Variants in MID1 observed in about 807,000 individuals in gnomAD.
The protein encoded by MID1 is E3 ubiquitin-protein ligase Midline-1.
Under a neutral mutation model 40.4 loss-of-function variants are expected in MID1, and 7 were observed. The ratio of observed to expected loss-of-function variants is 0.17; its 90% confidence interval spans 0.10 to 0.33. MID1 has a LOEUF of 0.33. MID1 is among the 10% of genes least tolerant of loss of function. The pLI, the probability that MID1 is intolerant of heterozygous loss-of-function variation, is 1.00. For missense variants in MID1, 367 were observed against 558.5 expected, an observed-to-expected ratio of 0.66 and a Z score of 3.46; for synonymous variants, 229 against 221.2, an observed-to-expected ratio of 1.04 and a Z score of -0.31.
At chrX:10,801,046 G>A (rs2044003218) in intron 1 of MID1, among the ~76,000 whole-genome samples, 1 of 109,779 alleles carries the variant, frequency 9.1e-6, no homozygotes, top group Non-Finnish European at 1.9e-5. Context: ...GAGTTAGAAA[G>A]TTTCTATTTT....
chrX:10,696,699 T>C (rs945486741), intron 1 of MID1, among the ~76,000 whole-genome samples: 3 of 112,109 alleles, frequency 2.7e-5, no homozygotes, highest in African/African-American at 9.7e-5. Flanking sequence ...TGACAATTAA[T>C]TTTAATTGTT....
intron 1 of MID1, among the ~76,000 whole-genome samples, chrX:10,772,797 C>T (rs1186489800): frequency 2.7e-5 from 3 of 109,489 alleles, no homozygotes; most frequent in African/African-American, 9.9e-5. Context: ...TATATCTGTA[C>T]ATATATGTAT....
chrX:10,735,595 T>A (rs866006429), intron 1 of MID1, among the ~76,000 whole-genome samples: 4 of 112,838 alleles, frequency 3.5e-5, no homozygotes, highest in Middle Eastern at 9.3e-3. Context: ...GAGTATCAAG[T>A]TGAAGTTTTG....
At chrX:10,782,204 T>G (rs1301980375) in intron 1 of MID1, among the ~76,000 whole-genome samples, 1 of 111,994 alleles carries the variant, frequency 8.9e-6, no homozygotes, top group South Asian at 3.8e-4. Flanking sequence ...CAAGTCATCA[T>G]GAAATCTCTT....
At chrX:10,773,447 T>C (rs1474254484) in intron 1 of MID1, among the ~76,000 whole-genome samples, 3 of 112,154 alleles carry the variant, frequency 2.7e-5, no homozygotes, top group African/African-American at 6.5e-5. Flanking sequence ...TCCATTTTAG[T>C]GCTATAATTC....
intron 1 of MID1, among the ~76,000 whole-genome samples, chrX:10,831,935 G>C (rs1329011126): frequency 8.9e-6 from 1 of 112,400 alleles, no homozygotes; most frequent in East Asian, 2.8e-4. Context: ...CATCTCATCA[G>C]CAGGGTGAGA....
At chrX:10,686,730 A>T (rs151131290) in intron 1 of MID1, among the ~76,000 whole-genome samples, 2,701 of 112,308 alleles carry the variant, frequency 0.024, 34 homozygotes, top group African/African-American at 0.047. Flanking sequence ...TGGGCAGACA[A>T]AGCAGCCAAA....
chrX:10,608,345 T>A (rs1935663105), intron 1 of MID1, among the ~76,000 whole-genome samples: 1 of 112,043 alleles, frequency 8.9e-6, no homozygotes, highest in African/African-American at 3.2e-5. Flanking sequence ...TCCAAAGTCC[T>A]TAAACAAGTT....
chrX:10,830,444 A>T, intron 1 of MID1, among the ~76,000 whole-genome samples: 1 of 112,572 alleles, frequency 8.9e-6, no homozygotes, highest in Non-Finnish European at 1.9e-5. Context: ...GCACTCAATA[A>T]ATATTTGCTG....
At chrX:10,632,221 C>T (rs1308897376) in intron 1 of MID1, among the ~76,000 whole-genome samples, 1 of 111,804 alleles carries the variant, frequency 8.9e-6, no homozygotes, top group Non-Finnish European at 1.9e-5. Context: ...ACCAAATGTA[C>T]TATTCTAACC....
chrX:10,719,693 A>C (rs1457689120), intron 1 of MID1, among the ~76,000 whole-genome samples: 1 of 111,662 alleles, frequency 9.0e-6, no homozygotes, highest in Non-Finnish European at 1.9e-5. Flanking sequence ...ATTGGAAAAA[A>C]TTACTTTAAA....
At chrX:10,523,838 C>T (rs182442595) in intron 2 of MID1, among the ~76,000 whole-genome samples, 1 of 111,853 alleles carries the variant, frequency 8.9e-6, no homozygotes, top group East Asian at 2.8e-4. Flanking sequence ...TTTTTCTCCT[C>T]ATTATTCCCT....
chrX:10,487,072 C>T (rs746420528), intron 4 of MID1, among the ~76,000 whole-genome samples: 1 of 111,728 alleles, frequency 9.0e-6, no homozygotes, highest in Non-Finnish European at 1.9e-5. Flanking sequence ...GTTGCCCAGG[C>T]TGGTCTCAAA....
intron 1 of MID1, among the ~76,000 whole-genome samples, chrX:10,810,800 C>G (rs756068743): frequency 1.0e-3 from 113 of 108,938 alleles, no homozygotes; most frequent in Non-Finnish European, 1.9e-3. Flanking sequence ...CTTTAAAATG[C>G]TTTTTTCTAT....
intron 2 of MID1, among the ~76,000 whole-genome samples, chrX:10,533,391 A>AAAAGAAAGAAAGAAAGAAAGAAAGAAAG (rs748385663): frequency 1.1e-4 from 6 of 55,066 alleles, no homozygotes; most frequent in African/African-American, 4.7e-4. Flanking sequence ...AGAAAGAAAG[A>AAAAGAAAGAAAGAAAGAAAGAAAGAAAG]AAAGAAAGAA....
At chrX:10,511,479 G>C (rs951777050) in intron 3 of MID1, among the ~76,000 whole-genome samples, 1 of 111,255 alleles carries the variant, frequency 9.0e-6, no homozygotes, top group African/African-American at 3.3e-5. Context: ...CTTCTTCTGG[G>C]TTCTAGTGAT....
chrX:10,784,660 G>A (rs935475233), intron 1 of MID1, among the ~76,000 whole-genome samples: 3 of 109,435 alleles, frequency 2.7e-5, no homozygotes, highest in Non-Finnish European at 3.8e-5. Flanking sequence ...TGACCAGGCT[G>A]GTCTTGAACT....
chrX:10,716,334 C>G (rs1457609354), intron 1 of MID1, among the ~76,000 whole-genome samples: 5 of 111,610 alleles, frequency 4.5e-5, no homozygotes, highest in Non-Finnish European at 9.4e-5. Context: ...ATAACCAATG[C>G]AGAGAAGTCC....
At chrX:10,711,588 T>C (rs768941458) in intron 1 of MID1, among the ~76,000 whole-genome samples, 6 of 112,194 alleles carry the variant, frequency 5.3e-5, no homozygotes, top group African/African-American at 1.9e-4. Context: ...TGTATTTCAA[T>C]TGTGGTTTTC....
Sources: allele counts gnomAD v4.1 joint callset (sites outside exome capture counted in the v4.1 genomes callset), GRCh38; gene constraint gnomAD v4.1.1; transcripts MANE v1.5; gene names NCBI Gene and HGNC (gene_info 2026-07-23, HGNC 2026-07-21).